The following PRPS2 variants were observed in gnomAD, a reference collection of about 807,000 sequenced individuals.
The protein encoded by PRPS2 is ribose-phosphate pyrophosphokinase 2.
For missense variants in PRPS2, 104 were observed against 271.5 expected, an observed-to-expected ratio of 0.38 and a Z score of 4.34; for synonymous variants, 111 against 115.3, an observed-to-expected ratio of 0.96 and a Z score of 0.24.
intron 4 of PRPS2, among the ~76,000 whole-genome samples, chrX:12,815,874 C>T (rs753268658): frequency 1.8e-5 from 2 of 111,793 alleles, no homozygotes; most frequent in African/African-American, 6.5e-5. Context: ...AACTCCTAAC[C>T]TCAGGTGATC....
intron 1 of PRPS2, among the ~76,000 whole-genome samples, chrX:12,794,911 G>A (rs1444665718): frequency 8.9e-6 from 1 of 112,118 alleles, no homozygotes; most frequent in Non-Finnish European, 1.9e-5. Context: ...ATTTTAGGCA[G>A]TGCTAGCACA....
chrX:12,814,941 C>T (rs1189720971), intron 4 of PRPS2, among the ~76,000 whole-genome samples: 1 of 111,555 alleles, frequency 9.0e-6, no homozygotes, highest in Non-Finnish European at 1.9e-5. Context: ...GGCACATGCA[C>T]CCACAGAGAA....
At chrX:12,813,278 A>G (rs893413110) in intron 4 of PRPS2, among the ~76,000 whole-genome samples, 6 of 112,268 alleles carry the variant, frequency 5.3e-5, no homozygotes, top group African/African-American at 1.9e-4. Flanking sequence ...GCAGCTGTGC[A>G]ATATTCCCTT....
intron 2 of PRPS2, among the ~76,000 whole-genome samples, chrX:12,799,770 T>C (rs2042560454): frequency 1.8e-5 from 2 of 111,724 alleles, no homozygotes; most frequent in Admixed American, 1.9e-4. Flanking sequence ...CTGGCTGTGA[T>C]ACTGTGTTAT....
chrX:12,809,484 C>T (rs1372075882), intron 3 of PRPS2, 152 bp downstream of exon 3: 11 of 587,263 alleles, frequency 1.9e-5, no homozygotes, highest in South Asian at 3.1e-5. Context: ...ATTAGTACTT[C>T]CAGTCTCTAT....
intron 2 of PRPS2, 99 bp downstream of exon 2, chrX:12,799,489 C>G: frequency 1.1e-6 from 1 of 940,693 alleles, no homozygotes. Flanking sequence ...AAAATGTTGG[C>G]TTTTTCCTTT....
chrX:12,806,602 A>C (rs1024719370), intron 2 of PRPS2, among the ~76,000 whole-genome samples: 2 of 112,469 alleles, frequency 1.8e-5, no homozygotes, highest in Admixed American at 9.4e-5. Context: ...CAGAAACCAA[A>C]TTTGTAAACA....
At position 12,811,162 on chromosome X, in the gene PRPS2, G is replaced by A. The variant is rs1296373946; in HGVS notation, c.530+1016G>A. The stretch of plus-strand genomic sequence containing the variant: ...AGAAAACCAAGAGAACACAGTCCAC[G>A]CAGGCCCAGCATGTGCAGACAACAG... On this transcript the variant is annotated intron_variant, in intron 4 of 6. Transcript: ENST00000380668. Among the ~76,000 whole-genome samples the A allele has an allele frequency of 8.0e-5, 9 of 112,493 alleles. No individual in the cohort carries two copies. In the East Asian group the frequency reaches 8.3e-4, roughly 10 times the overall value.
At chrX:12,801,828 C>G (rs995617209) in intron 2 of PRPS2, among the ~76,000 whole-genome samples, 1 of 112,168 alleles carries the variant, frequency 8.9e-6, no homozygotes, top group Admixed American at 9.4e-5. Flanking sequence ...AGGCTGGTCT[C>G]GAACTCCTGA....
intron 6 of PRPS2, 81 bp downstream of exon 6, chrX:12,820,884 G>C: frequency 9.5e-7 from 1 of 1,053,920 alleles, no homozygotes; most frequent in Non-Finnish European, 1.3e-6. Flanking sequence ...TCTTGTGTGT[G>C]TGTGGCTCCT....
intron 4 of PRPS2, among the ~76,000 whole-genome samples, chrX:12,815,766 C>T (rs1453455217): frequency 9.0e-6 from 1 of 111,342 alleles, no homozygotes; most frequent in East Asian, 2.8e-4. Context: ...GCCTCAGCCT[C>T]CCAAGTAGCT....
intron 2 of PRPS2, among the ~76,000 whole-genome samples, chrX:12,802,018 A>G (rs1452435209): frequency 8.9e-6 from 1 of 112,465 alleles, no homozygotes; most frequent in African/African-American, 3.2e-5. Context: ...TACTCCTTTT[A>G]TCATTGCACA....
chrX:12,796,052 A>G (rs2042541383), intron 1 of PRPS2, among the ~76,000 whole-genome samples: 1 of 111,152 alleles, frequency 9.0e-6, no homozygotes, highest in Non-Finnish European at 1.9e-5. Flanking sequence ...CCTTTTCTTT[A>G]AAATTTTTTT....
chrX:12,819,561 G>A lies in PRPS2; in HGVS notation c.585G>A (p.Glu195=). Residue 195 remains glutamate (E), a synonymous_variant, in exon 5 of 7, where the codon GAG becomes GAA. Transcript: ENST00000380668. The part of the protein sequence containing the change: ...LNVEFALIHK[E]RKKANEVDRM... Reference sequence around the variant, plus strand: ...TGGAATTTGCTTTGATCCACAAAGAGAGGAAGAAGGCGAATGAAGTGGACC... The same window carrying A: ...TGGAATTTGCTTTGATCCACAAAGAAAGGAAGAAGGCGAATGAAGTGGACC... 8.3e-7 allele frequency: 1 copy of A among 1,211,957 alleles called. No homozygotes were observed. The highest frequency in any genetic ancestry group is 1.1e-6 in the Non-Finnish European group (1 of 895,442).
intron 4 of PRPS2, among the ~76,000 whole-genome samples, chrX:12,814,383 TGTTTC>T (rs2042637982): frequency 8.9e-6 from 1 of 111,985 alleles, no homozygotes; most frequent in Admixed American, 9.5e-5. Flanking sequence ...CTTTTCCAAG[TGTTTC>T]TGCTACACAT....
Position 12,791,796 on chromosome X carries a change from G to A in PRPS2, c.122+177G>A, listed in dbSNP as rs752875240. Among the ~76,000 whole-genome samples, 9 of 110,514 alleles carry A rather than the reference G, an allele frequency of 8.1e-5. No individual in the cohort carries two copies. In the South Asian group the frequency reaches 1.4e-3, roughly 18 times the overall value. ...GCGCCCGCGCCTGCGAAGAAACCGA[G>A]GCGGGGCGCCGCGCGTCCCGATGCG... On this transcript the variant is annotated intron_variant, in intron 1 of 6. Transcript: ENST00000380668.
At chrX:12,791,969 C>T (rs1335417043) in intron 1 of PRPS2, among the ~76,000 whole-genome samples, 4 of 113,131 alleles carry the variant, frequency 3.5e-5, no homozygotes, top group Non-Finnish European at 3.8e-5. Flanking sequence ...CACAGACCGT[C>T]GGGGAGAGAG....
intron 3 of PRPS2, among the ~76,000 whole-genome samples, 178 bp downstream of exon 3, chrX:12,809,510 C>G (rs960247124): frequency 1.8e-5 from 2 of 111,867 alleles, no homozygotes; most frequent in Admixed American, 1.9e-4. Flanking sequence ...CCTTGCCCCC[C>G]AGTCAATTTT....
chrX:12,814,599 C>T (rs1250276072), intron 4 of PRPS2, among the ~76,000 whole-genome samples: 3 of 112,049 alleles, frequency 2.7e-5, no homozygotes, highest in Admixed American at 9.5e-5. Flanking sequence ...AAGCTTGACT[C>T]GTTCCGGGTA....
Sources: gnomAD v4.1 joint callset for allele counts (sites outside exome capture counted in the v4.1 genomes callset) on GRCh38, gnomAD v4.1.1 for gene constraint, MANE v1.5 for transcripts, NCBI Gene and HGNC (gene_info 2026-07-23, HGNC 2026-07-21) for gene names.